MYH10: variants seen among roughly 807,000 people sequenced by gnomAD.
MYH10 encodes the protein myosin-10.
A neutral mutation model predicts 257.8 loss-of-function variants in MYH10; 55 were observed. The observed-to-expected ratio is 0.21, with a 90% CI of 0.17 to 0.27. The LOEUF (loss-of-function observed/expected upper bound fraction) is 0.27. Among genes scored for constraint, MYH10 ranks in the 10% least tolerant of loss-of-function variants. The pLI, the probability that MYH10 is intolerant of heterozygous loss-of-function variation, is 1.00. For synonymous variants in MYH10, 854 were observed against 921.7 expected, an observed-to-expected ratio of 0.93 and a Z score of 1.33; for missense variants, 1,631 against 2,500.6, an observed-to-expected ratio of 0.65 and a Z score of 7.42.
intron 7 of MYH10, among the ~76,000 whole-genome samples, chr17:8,564,382 C>A (rs1348818866): frequency 1.3e-5 from 2 of 152,178 alleles, no homozygotes; most frequent in Non-Finnish European, 2.9e-5. Flanking sequence ...CATTTTTTAA[C>A]ATCGTACTAC....
At chr17:8,476,803 A>C in intron 42 of MYH10, 73 bp downstream of exon 42, 1 of 1,500,912 alleles carries the variant, frequency 6.7e-7, no homozygotes, top group Non-Finnish European at 9.0e-7. Flanking sequence ...ACTTCCTCTG[A>C]CCAGCTGCAC....
chr17:8,516,968 C>T (rs1465532750), intron 21 of MYH10, among the ~76,000 whole-genome samples: 1 of 152,004 alleles, frequency 6.6e-6, no homozygotes, highest in Non-Finnish European at 1.5e-5. Context: ...GAAACCCCAT[C>T]TCTACTAAAA....
chr17:8,539,792 T>C (rs1188671995), intron 14 of MYH10, among the ~76,000 whole-genome samples: 1 of 152,004 alleles, frequency 6.6e-6, no homozygotes, highest in Non-Finnish European at 1.5e-5. Flanking sequence ...TCTTACTATG[T>C]TGCCCAGGCT....
chr17:8,558,790 C>T (rs1018482975), intron 7 of MYH10, among the ~76,000 whole-genome samples: 4 of 152,156 alleles, frequency 2.6e-5, no homozygotes, highest in Admixed American at 1.3e-4. Context: ...AATTATAAAA[C>T]ATTTTCATCT....
At chr17:8,564,851 A>G (rs1246282354) in intron 7 of MYH10, among the ~76,000 whole-genome samples, 1 of 152,210 alleles carries the variant, frequency 6.6e-6, no homozygotes, top group Non-Finnish European at 1.5e-5. Context: ...TGAGGGAAAT[A>G]AACAGGATAC....
chr17:8,515,709 A>T (rs1355526094), intron 21 of MYH10, among the ~76,000 whole-genome samples: 2 of 151,210 alleles, frequency 1.3e-5, no homozygotes. Flanking sequence ...TGCCTTGCTA[A>T]TTTTTTGTAT....
intron 9 of MYH10, among the ~76,000 whole-genome samples, chr17:8,551,384 G>C (rs953361661): frequency 3.4e-4 from 52 of 152,218 alleles, no homozygotes; most frequent in Admixed American, 3.1e-3. Flanking sequence ...CAAAAGCCTG[G>C]ATGCCAGATG....
At chr17:8,615,663 T>A (rs914555234) in intron 2 of MYH10, among the ~76,000 whole-genome samples, 30 of 152,104 alleles carry the variant, frequency 2.0e-4, no homozygotes, top group Non-Finnish European at 1.2e-4. Flanking sequence ...TTCTCCACAA[T>A]AACAAAATAA....
At chr17:8,542,049 A>T in intron 14 of MYH10, 58 bp downstream of exon 14, 1 of 1,532,658 alleles carries the variant, frequency 6.5e-7, no homozygotes, top group Non-Finnish European at 8.8e-7. Flanking sequence ...GGGTTATGCC[A>T]CTTAAGGTCA....
chr17:8,619,817 T>C (rs1341400129), intron 2 of MYH10, among the ~76,000 whole-genome samples: 5 of 151,734 alleles, frequency 3.3e-5, no homozygotes, highest in Non-Finnish European at 2.9e-5. Flanking sequence ...TCCTAGCTGA[T>C]AGGGAGGCTG....
At chr17:8,487,172 G>C (rs1914958793) in intron 36 of MYH10, among the ~76,000 whole-genome samples, 1 of 152,206 alleles carries the variant, frequency 6.6e-6, no homozygotes, top group South Asian at 2.1e-4. Context: ...GGTGAGGAAG[G>C]GTGGGTTTTA....
intron 36 of MYH10, among the ~76,000 whole-genome samples, 197 bp downstream of exon 36, chr17:8,487,221 ATGATGCCTCCACCCC>A (rs1486325760): frequency 3.3e-5 from 5 of 152,250 alleles, no homozygotes; most frequent in African/African-American, 1.2e-4. Context: ...GGAGGCCAGC[ATGATGCCTCCACCCC>A]AACTGTGTTG....
chr17:8,558,920 A>G (rs928895759), intron 7 of MYH10, among the ~76,000 whole-genome samples: 8 of 152,186 alleles, frequency 5.3e-5, no homozygotes. Flanking sequence ...CCACTTATGA[A>G]ACTTATCCAG....
At chr17:8,522,351 G>A (rs28653041) in intron 17 of MYH10, among the ~76,000 whole-genome samples, 62,704 of 152,006 alleles carry the variant, frequency 0.41, 12,943 homozygotes, top group East Asian at 0.5. Flanking sequence ...AAGACCCCGG[G>A]AGGTAAAAGT....
chr17:8,597,941 A>G (rs1012415099), intron 3 of MYH10, among the ~76,000 whole-genome samples: 1 of 152,058 alleles, frequency 6.6e-6, no homozygotes, highest in Non-Finnish European at 1.5e-5. Context: ...TTAATGGTCT[A>G]ACCCATTTAG....
chr17:8,504,927 A>G lies in MYH10; in HGVS notation c.3387-21T>C, dbSNP rs1170173499. The G allele has an allele frequency of 6.2e-7, 1 of 1,608,462 alleles. No homozygotes were observed. The highest frequency in any genetic ancestry group is 8.5e-7 in the Non-Finnish European group (1 of 1,175,164). On this transcript the variant is annotated intron_variant, in intron 27 of 42. Coordinates refer to ENST00000360416, the MANE Select transcript of MYH10 (RefSeq NM_001256012.3). The surrounding 1 kb of genome is among the most constrained non-coding windows in gnomAD (Gnocchi z 5.6). ...CACCTCTGTTAAAACACCCAGGCGCAAGAGGCACTCAGAGATGGCACCCGG... is the reference window on the plus strand; with the variant it reads ...CACCTCTGTTAAAACACCCAGGCGCGAGAGGCACTCAGAGATGGCACCCGG...
chr17:8,581,284 G>A (rs561808391), intron 4 of MYH10, among the ~76,000 whole-genome samples: 20 of 152,284 alleles, frequency 1.3e-4, no homozygotes, highest in African/African-American at 4.6e-4. Flanking sequence ...GAAATACTGA[G>A]TGTTTCCATA....
intron 1 of MYH10, among the ~76,000 whole-genome samples, chr17:8,629,925 C>G (rs987091952): frequency 6.6e-6 from 1 of 151,744 alleles, no homozygotes; most frequent in Non-Finnish European, 1.5e-5. Context: ...CCCACGCCCG[C>G]GGCCGGCTCC....
At chr17:8,513,357 T>C (rs1235200433) in intron 23 of MYH10, among the ~76,000 whole-genome samples, 181 bp downstream of exon 23, 1 of 152,232 alleles carries the variant, frequency 6.6e-6, no homozygotes, top group Non-Finnish European at 1.5e-5. Flanking sequence ...CAAGGCAGAA[T>C]GTATCTGTTA....
Sources: allele counts gnomAD v4.1 joint callset (sites outside exome capture counted in the v4.1 genomes callset), GRCh38; gene constraint gnomAD v4.1.1; non-coding constraint Gnocchi (gnomAD v3.1); transcripts MANE v1.5; gene names NCBI Gene and HGNC (gene_info 2026-07-23, HGNC 2026-07-21).